DOCK5: variants seen among roughly 807,000 people sequenced by gnomAD.
DOCK5 encodes the protein dedicator of cytokinesis 5.
DOCK5 carries 142 observed loss-of-function variants against 251.8 expected under a neutral mutation model. That is an observed-to-expected ratio of 0.56 (90% CI 0.49 to 0.65). The LOEUF (loss-of-function observed/expected upper bound fraction) is 0.65, where lower values mean the gene tolerates loss of function less well. DOCK5 is among the 30% of genes least tolerant of loss of function. The pLI, the probability that DOCK5 is intolerant of heterozygous loss-of-function variation, is 0.00. For missense variants in DOCK5, 2,111 were observed against 2,312.3 expected (o/e 0.91, Z 1.79); for synonymous variants, 842 against 835.5 (o/e 1.01, Z -0.13).
intron 42 of DOCK5, among the ~76,000 whole-genome samples, chr8:25,391,287 C>T (rs530698205): frequency 8.8e-4 from 133 of 150,696 alleles, no homozygotes; most frequent in African/African-American, 3.2e-3. Flanking sequence ...GTTGGCTGGT[C>T]TTGAGTTCAA....
At chr8:25,293,248 T>G (rs1411775836) in intron 6 of DOCK5, among the ~76,000 whole-genome samples, 1 of 152,216 alleles carries the variant, frequency 6.6e-6, no homozygotes, top group Non-Finnish European at 1.5e-5. Context: ...TACCTTGCTT[T>G]TCTAGTGTCG....
rs375324176 is a variant in DOCK5 at position 25,399,903 on chromosome 8, T to A, written c.4705-8T>A. ...TTCTAATTAAAACTTGCATATGCTT[T>A]TTTTTAGGCTTTTTTTACAGAAAAG... On this transcript the variant is annotated splice_polypyrimidine_tract_variant and splice_region_variant and intron_variant, in intron 45 of 51. Transcript: ENST00000276440. 83 of 1,609,102 alleles carry A rather than the reference T, an allele frequency of 5.2e-5. No individual in the cohort carries two copies. Among genetic ancestry groups the A allele is most frequent in the Admixed American group, 6.7e-5 (4 of 59,292 alleles).
chr8:25,410,975 GCGCGCGCGCACGCA>G (rs1299037886), intron 51 of DOCK5, among the ~76,000 whole-genome samples: 1 of 22,784 alleles, frequency 4.4e-5, no homozygotes, highest in Non-Finnish European at 1.0e-4. Flanking sequence ...GTGTGTGTGC[GCGCGCGCGCACGCA>G]CGCACGCACG....
chr8:25,346,873 T>C (rs990055860), intron 26 of DOCK5, among the ~76,000 whole-genome samples: 2 of 150,448 alleles, frequency 1.3e-5, no homozygotes, highest in East Asian at 3.9e-4. Flanking sequence ...GGATTCACCA[T>C]GTCCTAGAAA....
At chr8:25,317,628 T>G (rs1563199989) in intron 14 of DOCK5, among the ~76,000 whole-genome samples, 3 of 152,216 alleles carry the variant, frequency 2.0e-5, no homozygotes, top group East Asian at 3.9e-4. Flanking sequence ...TTTGTTTTTT[T>G]GAGACGGAGT....
At chr8:25,299,941 T>C (rs1206112127) in intron 8 of DOCK5, among the ~76,000 whole-genome samples, 1 of 152,210 alleles carries the variant, frequency 6.6e-6, no homozygotes, top group African/African-American at 2.4e-5. Context: ...TTTTATCTTT[T>C]ATTTATTGTT....
At chr8:25,231,009 C>T (rs991922300) in intron 1 of DOCK5, among the ~76,000 whole-genome samples, 6 of 152,120 alleles carry the variant, frequency 3.9e-5, no homozygotes, top group Non-Finnish European at 7.3e-5. Flanking sequence ...TTGTCTGACA[C>T]CTTGGCCCCA....
At chr8:25,192,969 A>G (rs1045767872) in intron 1 of DOCK5, among the ~76,000 whole-genome samples, 2 of 152,230 alleles carry the variant, frequency 1.3e-5, no homozygotes, top group Non-Finnish European at 2.9e-5. Context: ...AAAGCGGTGT[A>G]TTAGATTCTG....
At chr8:25,400,388 C>T (rs1365552358) in intron 46 of DOCK5, among the ~76,000 whole-genome samples, 1 of 151,370 alleles carries the variant, frequency 6.6e-6, no homozygotes, top group East Asian at 1.9e-4. Flanking sequence ...ATCCCAGCTA[C>T]TCAGGAGGCC....
At chr8:25,409,961 T>C (rs1374680174) in intron 50 of DOCK5, 138 bp from the exon 51 acceptor site, 2 of 682,954 alleles carry the variant, frequency 2.9e-6, no homozygotes, top group Admixed American at 5.3e-5. Context: ...TTCTTCGTTC[T>C]ATCCGCAGAA....
Position 25,196,382 on chromosome 8 carries a change from G to A in DOCK5, c.43+11431G>A, listed in dbSNP as rs563039596. Among the ~76,000 whole-genome samples, 9 of 152,308 alleles carry A rather than the reference G, an allele frequency of 5.9e-5. No individual in the cohort carries two copies. In the East Asian group the frequency reaches 1.7e-3, roughly 29 times the overall value. ...AGAAACAAGACATTTAGATTCATCT[G>A]TTATTTCCCATTTCTAATACAAGGA... is the stretch of plus-strand genomic sequence containing the variant. On this transcript the variant is annotated intron_variant, in intron 1 of 51. Transcript: ENST00000276440.
chr8:25,211,228 G>A lies in DOCK5; in HGVS notation c.43+26277G>A, dbSNP rs143080548. The stretch of plus-strand genomic sequence containing the variant: ...TTTGTGCACATGGGAGAATTGCTGT[G>A]TCTCATAAGAGAAGCACAGAAAGTG... On this transcript the variant is annotated intron_variant, in intron 1 of 51. Coordinates refer to ENST00000276440, the MANE Select transcript of DOCK5 (RefSeq NM_024940.8). Among the ~76,000 whole-genome samples, 107 of 70,794 alleles carry A rather than the reference G, an allele frequency of 1.5e-3. 26 individuals are homozygous for A. The highest frequency in any genetic ancestry group is 3.1e-3 in the African/African-American group (96 of 31,160). The allele number at this position is 70,794 out of a possible 152,430, so 46.4% of individuals were successfully genotyped here.
At chr8:25,266,832 T>C (rs1563331166) in intron 2 of DOCK5, among the ~76,000 whole-genome samples, 1 of 125,066 alleles carries the variant, frequency 8.0e-6, no homozygotes, top group Non-Finnish European at 2.0e-5. Flanking sequence ...AGAGAAGACA[T>C]AGGAGGTTAA....
In DOCK5 at chr8:25,368,647, C is replaced by T. The variant is rs760061661; in HGVS notation, c.3360C>T (p.Leu1120=). 1.2e-6 allele frequency: 2 copies of T among 1,613,748 alleles called. No individual in the cohort carries two copies. The highest frequency in any genetic ancestry group is 1.3e-5 in the African/African-American group (1 of 74,906). The change falls in exon 33 of 52, where the codon CTC becomes CTT. Residue 1120 remains leucine, a synonymous_variant. Coordinates refer to ENST00000276440, the MANE Select transcript of DOCK5 (RefSeq NM_024940.8). ...LEVTLTPEVE[L]RKATIPIFFD... is the part of the protein sequence containing the mutation. ...TCACTCTGACCCCTGAAGTAGAGCT[C>T]CGGAAAGCCACAATCCCCATTTTCT...
chr8:25,204,324 C>G (rs1801947915), intron 1 of DOCK5, among the ~76,000 whole-genome samples: 1 of 152,110 alleles, frequency 6.6e-6, no homozygotes, highest in South Asian at 2.1e-4. Context: ...GTGAAACTAA[C>G]AGAAGTATTG....
Position 25,374,810 on chromosome 8 carries a change from T to G in DOCK5, c.3816+156T>G, listed in dbSNP as rs1333185534. The G allele has an allele frequency of 4.6e-6, 7 of 1,523,568 alleles. No individual in the cohort carries two copies. The Admixed American group carries it at 1.3e-4, about 28-fold the overall frequency. The allele number at this position is 1,523,568 out of a possible 1,614,324, so 94.4% of individuals were successfully genotyped here. A position where few individuals can be genotyped will look rare whatever the true frequency, so the allele number is the denominator to read the frequency against. ...GTTCTTTCTAAATAGGCACAGCTAATTTGTAGATCAAGTATGGGAAAATGT... is the reference window on the plus strand; with the variant it reads ...GTTCTTTCTAAATAGGCACAGCTAAGTTGTAGATCAAGTATGGGAAAATGT... On this transcript the variant is annotated intron_variant, in intron 37 of 51. Transcript: ENST00000276440.
chr8:25,411,011 C>G, intron 51 of DOCK5, among the ~76,000 whole-genome samples, 183 bp from the exon 52 acceptor site: 1 of 133,882 alleles, frequency 7.5e-6, no homozygotes. Flanking sequence ...ACGCGTGTGT[C>G]TGATTAGCTC....
chr8:25,268,341 A>T (rs1048313856), intron 2 of DOCK5, among the ~76,000 whole-genome samples: 4 of 152,104 alleles, frequency 2.6e-5, no homozygotes, highest in Non-Finnish European at 5.9e-5. Context: ...TCTTCATAAG[A>T]TCTGCTAGTT....
intron 31 of DOCK5, 44 bp from the exon 32 acceptor site, chr8:25,368,148 T>A (rs775283688): frequency 1.4e-6 from 2 of 1,477,202 alleles, no homozygotes. Flanking sequence ...ATGCAATTCA[T>A]TTCTACTGAA....
Sources: gnomAD v4.1 joint callset for allele counts (sites outside exome capture counted in the v4.1 genomes callset) on GRCh38, gnomAD v4.1.1 for gene constraint, MANE v1.5 for transcripts, NCBI Gene and HGNC (gene_info 2026-07-23, HGNC 2026-07-21) for gene names.